SLC8A3: variants seen among roughly 807,000 people sequenced by gnomAD.
SLC8A3 encodes solute carrier family 8 member A3.
Under a neutral mutation model 65.4 loss-of-function variants are expected in SLC8A3, and 37 were observed. The ratio of observed to expected loss-of-function variants is 0.57; its 90% CI spans 0.44 to 0.74. SLC8A3 has a LOEUF of 0.74. SLC8A3 is among the 30% of genes least tolerant of loss of function. The probability of loss-of-function intolerance (pLI) is 0.00; values close to 1 mark genes in which losing one functional copy is unlikely to be tolerated. For missense variants in SLC8A3, 1,112 were observed against 1,172.1 expected, an observed-to-expected ratio of 0.95 and a Z score of 0.75; for synonymous variants, 461 against 444.5, an observed-to-expected ratio of 1.04 and a Z score of -0.47.
At position 70,045,976 on chromosome 14, in the gene SLC8A3, C is replaced by T; in HGVS notation, c.2737G>A (p.Glu913Lys). 2 of 1,604,812 alleles carry T rather than the reference C, an allele frequency of 1.2e-6. No individual in the cohort carries two copies. Among genetic ancestry groups the T allele is most frequent in the Non-Finnish European group, 1.7e-6 (2 of 1,173,684 alleles). ...WLLYILFATL[E>K]AYCYIKGF ...AACCCCTTGATGTAGCAATAGGCCTCTAGTGTGGCAAAGAGTATGTAGAGG... is the reference window on the plus strand; with the variant it reads ...AACCCCTTGATGTAGCAATAGGCCTTTAGTGTGGCAAAGAGTATGTAGAGG... The change falls in exon 7 of 7, where the codon GAG (glutamate) becomes AAG (lysine). Residue 913 changes from glutamate (E) to lysine (K), a missense_variant. Coordinates refer to ENST00000356921, the MANE Select transcript of SLC8A3 (RefSeq NM_182932.3).
chr14:70,053,224 T>A (rs187446080), intron 3 of SLC8A3, among the ~76,000 whole-genome samples: 28 of 152,318 alleles, frequency 1.8e-4, no homozygotes, highest in African/African-American at 6.3e-4. Flanking sequence ...GTGGCCACTT[T>A]TGGAAACAAT....
At chr14:70,060,479 G>A (rs1169088729) in intron 3 of SLC8A3, among the ~76,000 whole-genome samples, 1 of 152,168 alleles carries the variant, frequency 6.6e-6, no homozygotes, top group Non-Finnish European at 1.5e-5. Flanking sequence ...GGGGTGGGGT[G>A]GGGGAGAGTG....
chr14:70,058,942 A>G (rs985724651), intron 3 of SLC8A3, among the ~76,000 whole-genome samples: 1 of 152,204 alleles, frequency 6.6e-6, no homozygotes, highest in African/African-American at 2.4e-5. Flanking sequence ...TAAATGCTCA[A>G]GGGAGGTGGG....
chr14:70,182,166 G>C (rs1184865109), intron 1 of SLC8A3, among the ~76,000 whole-genome samples: 5 of 152,140 alleles, frequency 3.3e-5, no homozygotes, highest in Admixed American at 1.3e-4. Context: ...GTGACTGGAA[G>C]TTTGTTGGTG....
chr14:70,110,424 T>G (rs1893209720), intron 2 of SLC8A3, among the ~76,000 whole-genome samples: 2 of 140,612 alleles, frequency 1.4e-5, no homozygotes, highest in Admixed American at 1.6e-4. Flanking sequence ...ATCCCACAAA[T>G]AAGTAAGAAC....
intron 2 of SLC8A3, among the ~76,000 whole-genome samples, chr14:70,090,024 G>A (rs963130797): frequency 6.6e-6 from 1 of 151,614 alleles, no homozygotes; most frequent in East Asian, 1.9e-4. Flanking sequence ...TTTTTCTCCT[G>A]TAACTACCCT....
rs574518084 is a variant in SLC8A3, at chr14:70,173,373, G to A, written c.-62-4889C>T. 2.0e-5 allele frequency among the ~76,000 whole-genome samples: 3 copies of A among 152,252 alleles called. No individual in the cohort carries two copies. The South Asian group carries it at 6.2e-4, about 32-fold the overall frequency. On this transcript the variant is annotated intron_variant, in intron 1 of 6. Coordinates refer to ENST00000356921, the MANE Select transcript of SLC8A3 (RefSeq NM_182932.3). ...TCAGTCAAACTGATGCCCTGGCTCA[G>A]CCCCGAGCCTCTCATCCCTTTTCCG...
At chr14:70,091,301 C>A (rs6573925) in intron 2 of SLC8A3, among the ~76,000 whole-genome samples, 1 of 152,154 alleles carries the variant, frequency 6.6e-6, no homozygotes, top group Admixed American at 6.5e-5. Context: ...TTTTTAATAA[C>A]AAAAATTTGT....
At chr14:70,148,688 A>ATAT (rs1034937195) in intron 2 of SLC8A3, among the ~76,000 whole-genome samples, 1 of 152,118 alleles carries the variant, frequency 6.6e-6, no homozygotes, top group South Asian at 2.1e-4. Context: ...AAAATTGCCG[A>ATAT]TATTATTATT....
chr14:70,072,459 G>A (rs1890096549), intron 2 of SLC8A3, among the ~76,000 whole-genome samples: 1 of 151,932 alleles, frequency 6.6e-6, no homozygotes, highest in Non-Finnish European at 1.5e-5. Flanking sequence ...TTCATGCCTT[G>A]TAGGGTAGCT....
intron 1 of SLC8A3, 30 bp downstream of exon 1, chr14:70,188,349 G>T (rs921455443): frequency 6.6e-6 from 1 of 152,526 alleles, no homozygotes; most frequent in Non-Finnish European, 1.5e-5. Flanking sequence ...CGCTAAGGGG[G>T]AAGGGCAGGA....
At position 70,166,925 on chromosome 14, in the gene SLC8A3, G is replaced by A. The variant is rs142585354; in HGVS notation, c.1498C>T (p.Pro500Ser). The A allele has an allele frequency of 7.4e-6, 12 of 1,614,060 alleles. No homozygotes were observed. Among genetic ancestry groups the A allele is most frequent in the Non-Finnish European group, 1.0e-5 (12 of 1,180,038 alleles). ...EEEQPEEGMP[P>S]AIFNSLPLPR... ...AAGGGAAGACTGTTGAATATTGCTG[G>A]AGGCATCCCCTCCTCTGGCTGCTCC... Residue 500 changes from proline to serine, a missense_variant, in exon 2 of 7, where the codon CCA (proline) becomes TCA (serine). Transcript: ENST00000356921.
intron 2 of SLC8A3, 140 bp downstream of exon 2, chr14:70,166,499 G>A: frequency 1.6e-6 from 1 of 607,882 alleles, no homozygotes; most frequent in Admixed American, 3.1e-5. Flanking sequence ...GGTGTCTGCT[G>A]ATCCTGCATA....
intron 2 of SLC8A3, among the ~76,000 whole-genome samples, chr14:70,083,044 G>A (rs1891170796): frequency 6.6e-6 from 1 of 152,130 alleles, no homozygotes; most frequent in Non-Finnish European, 1.5e-5. Flanking sequence ...CTGAGCTCAT[G>A]GTCCAAAGGA....
At chr14:70,174,972 A>G (rs1166282842) in intron 1 of SLC8A3, among the ~76,000 whole-genome samples, 1 of 152,020 alleles carries the variant, frequency 6.6e-6, no homozygotes, top group Non-Finnish European at 1.5e-5. Context: ...ATAATATTAT[A>G]CTGTTCTTGC....
intron 2 of SLC8A3, among the ~76,000 whole-genome samples, chr14:70,120,754 G>A (rs1289261240): frequency 2.0e-5 from 3 of 152,124 alleles, no homozygotes; most frequent in Non-Finnish European, 2.9e-5. Context: ...AATCTTAAAG[G>A]ATACTTCAGC....
chr14:70,054,267 T>G (rs1594894243), intron 3 of SLC8A3, among the ~76,000 whole-genome samples: 3 of 145,692 alleles, frequency 2.1e-5, no homozygotes, highest in African/African-American at 5.0e-5. Flanking sequence ...GGTGGGGGGG[T>G]GGTTAGCTCA....
At chr14:70,062,007 T>C (rs1372597978) in intron 2 of SLC8A3, among the ~76,000 whole-genome samples, 1 of 151,874 alleles carries the variant, frequency 6.6e-6, no homozygotes, top group African/African-American at 2.4e-5. Context: ...ATTCTTCCTA[T>C]ATGGTTTCTT....
At chr14:70,146,082 A>G (rs1049730601) in intron 2 of SLC8A3, among the ~76,000 whole-genome samples, 1 of 152,192 alleles carries the variant, frequency 6.6e-6, no homozygotes, top group Non-Finnish European at 1.5e-5. Context: ...GCTGCCAGCC[A>G]GGGCTGGTTA....
Sources: allele counts gnomAD v4.1 joint callset (sites outside exome capture counted in the v4.1 genomes callset), GRCh38; gene constraint gnomAD v4.1.1; transcripts MANE v1.5; gene names NCBI Gene and HGNC (gene_info 2026-07-23, HGNC 2026-07-21).